The following TTBK2 variants were observed in gnomAD, a reference collection of about 807,000 sequenced individuals.
TTBK2 encodes tau tubulin kinase 2.
In TTBK2, 28 loss-of-function variants were observed where a neutral mutation model predicts 110.8. That is an observed-to-expected ratio of 0.25 (90% CI 0.19 to 0.35). The LOEUF (loss-of-function observed/expected upper bound fraction) is 0.35. TTBK2 is among the 10% of genes least tolerant of loss of function. The pLI is 1.00. For synonymous variants in TTBK2, 532 were observed against 527.3 expected (o/e 1.01, Z -0.12); for missense variants, 1,369 against 1,500.3 (o/e 0.91, Z 1.45).
intron 10 of TTBK2, among the ~76,000 whole-genome samples, chr15:42,787,158 A>C (rs1402961164): frequency 2.0e-5 from 3 of 152,186 alleles, no homozygotes; most frequent in Non-Finnish European, 4.4e-5. Context: ...ATTGGAACAC[A>C]GTCAGTCTCG....
chr15:42,842,052 A>G (rs557163640), intron 3 of TTBK2, among the ~76,000 whole-genome samples: 5 of 152,284 alleles, frequency 3.3e-5, no homozygotes, highest in African/African-American at 9.6e-5. Context: ...AATTTGGAAA[A>G]TGAAACATTA....
intron 10 of TTBK2, among the ~76,000 whole-genome samples, chr15:42,790,309 G>T (rs1890602985): frequency 6.9e-6 from 1 of 145,508 alleles, no homozygotes; most frequent in Non-Finnish European, 1.5e-5. Context: ...TTTTGAGTCA[G>T]GATCTCACTC....
chr15:42,774,397 T>A (rs1226556505), intron 13 of TTBK2, among the ~76,000 whole-genome samples: 1 of 152,182 alleles, frequency 6.6e-6, no homozygotes, highest in East Asian at 1.9e-4. Flanking sequence ...GGGCTCCTCC[T>A]CACACAGTCA....
chr15:42,815,155 G>C (rs1891887729), intron 7 of TTBK2, among the ~76,000 whole-genome samples: 1 of 151,376 alleles, frequency 6.6e-6, no homozygotes, highest in Non-Finnish European at 1.5e-5. Context: ...AATCTATCAG[G>C]AAAAGAAGAG....
chr15:42,862,041 A>C (rs995659784), intron 3 of TTBK2, among the ~76,000 whole-genome samples: 1 of 152,214 alleles, frequency 6.6e-6, no homozygotes, highest in Non-Finnish European at 1.5e-5. Flanking sequence ...ACCAGGAAGA[A>C]AGTGAAAACC....
chr15:42,840,442 A>G lies in TTBK2; in HGVS notation c.218-9T>C, dbSNP rs1467976427. 6.2e-7 allele frequency: 1 copy of G among 1,612,632 alleles called. No individual in the cohort carries two copies. Among genetic ancestry groups the G allele is most frequent in the Non-Finnish European group, 8.5e-7 (1 of 1,178,768 alleles). On this transcript the variant is annotated splice_polypyrimidine_tract_variant and intron_variant, in intron 3 of 14. Coordinates refer to ENST00000267890, the MANE Select transcript of TTBK2 (RefSeq NM_173500.4). ...ACAAACATGGTCTTTCCCTGGATAAAAAAAGAAAACAGTGGAAAAGAATAT... is the reference window on the plus strand; with the variant it reads ...ACAAACATGGTCTTTCCCTGGATAAGAAAAGAAAACAGTGGAAAAGAATAT...
chr15:42,791,881 C>A (rs555754580), intron 10 of TTBK2, among the ~76,000 whole-genome samples: 3 of 151,650 alleles, frequency 2.0e-5, no homozygotes, highest in African/African-American at 7.3e-5. Flanking sequence ...GTGGCTCGTG[C>A]CTGTGATCTC....
chr15:42,911,560 T>C (rs934914425), intron 1 of TTBK2, among the ~76,000 whole-genome samples: 2 of 152,206 alleles, frequency 1.3e-5, no homozygotes, highest in Admixed American at 6.5e-5. Context: ...AAAGTACTTA[T>C]ACACTGGACT....
At chr15:42,815,781 G>C (rs1044688376) in intron 7 of TTBK2, among the ~76,000 whole-genome samples, 4 of 147,534 alleles carry the variant, frequency 2.7e-5, no homozygotes, top group Admixed American at 1.4e-4. Context: ...ATTTCATTAG[G>C]TATTGATAGT....
rs1353876721 is a variant in TTBK2, at chr15:42,744,136, GT to G, written c.*1658del. 6.6e-6 allele frequency: 1 copy of G among 152,128 alleles called. No homozygotes were observed. The allele number at this position is 152,128 out of a possible 1,614,324, so 9.4% of individuals were successfully genotyped here. A position where few individuals can be genotyped will look rare whatever the true frequency, so the allele number is the denominator to read the frequency against. ...CTTATCTATTGCATTCCTCTGGAGT[GT>G]TTGAAACTGGAGAGAAATTAAGATT... On this transcript the variant is annotated 3_prime_UTR_variant, in exon 15 of 15. Coordinates refer to ENST00000267890, the MANE Select transcript of TTBK2 (RefSeq NM_173500.4).
rs751151407 is a variant in TTBK2 at position 42,775,180 on chromosome 15, C to T, written c.1953G>A (p.Thr651=). 59 of 1,614,002 alleles carry T rather than the reference C, an allele frequency of 3.7e-5. No homozygotes were observed. Among genetic ancestry groups the T allele is most frequent in the African/African-American group, 1.5e-4 (11 of 74,926 alleles). ...CCTGCGCCTCCATTAGACTTGTGGG[C>T]GTCGCTGCAATAAACTGACTAGCAG... is the stretch of plus-strand genomic sequence containing the variant. ...PGAASQFIAA[T]PTSLMEAQAE... is the part of the protein sequence containing the mutation. Residue 651 remains threonine, a synonymous_variant, in exon 13 of 15, where the codon ACG becomes ACA. Coordinates refer to ENST00000267890, the MANE Select transcript of TTBK2 (RefSeq NM_173500.4).
chr15:42,826,061 G>A (rs1483915613), intron 6 of TTBK2, among the ~76,000 whole-genome samples: 1 of 151,840 alleles, frequency 6.6e-6, no homozygotes, highest in African/African-American at 2.4e-5. Context: ...TCAAAATACA[G>A]ATTTCTGCAG....
At chr15:42,781,291 T>C (rs1445107762) in intron 11 of TTBK2, among the ~76,000 whole-genome samples, 1 of 152,140 alleles carries the variant, frequency 6.6e-6, no homozygotes, top group Non-Finnish European at 1.5e-5. Flanking sequence ...TAAACTTGTA[T>C]GCACTTAACT....
chr15:42,919,795 G>A, intron 1 of TTBK2: 3 of 985,290 alleles, frequency 3.0e-6, no homozygotes, highest in Non-Finnish European at 3.6e-6. Flanking sequence ...AATTAACTTC[G>A]CTGTAGAATA....
chr15:42,820,844 A>T (rs1892259248), intron 6 of TTBK2, among the ~76,000 whole-genome samples: 1 of 152,106 alleles, frequency 6.6e-6, no homozygotes. Context: ...GTCTCTAAAA[A>T]AAAAAGAATT....
chr15:42,793,973 TG>T (rs1354667649), intron 10 of TTBK2, among the ~76,000 whole-genome samples: 3 of 151,702 alleles, frequency 2.0e-5, no homozygotes, highest in Non-Finnish European at 4.4e-5. Flanking sequence ...TAGAGTGTAG[TG>T]GCACAATCAT....
In TTBK2 at chr15:42,752,206, A is replaced by C. The variant is rs1186488714; in HGVS notation, c.3040T>G (p.Phe1014Val). Reference sequence around the variant, plus strand: ...GGAGTGAGCACTTCCTCCTCACAAAAGGGAGCAGGAACAGTAGCTAGTTTC... The same window carrying C: ...GGAGTGAGCACTTCCTCCTCACAAACGGGAGCAGGAACAGTAGCTAGTTTC... ...EEKLATVPAP[F>V]CEEEVLTPFS... Residue 1014 changes from phenylalanine (F) to valine (V), a missense_variant, in exon 14 of 15, where the codon TTT (phenylalanine) becomes GTT (valine). Phe to Val is a conservative substitution (Grantham distance 50, BLOSUM62 -1). Around this residue, in one of 4 missense-constraint regions of TTBK2, gnomAD observed 1,097 missense variants for 1,114.7 expected, o/e 0.98. Transcript: ENST00000267890. 3 of 1,614,022 alleles carry C rather than the reference A, an allele frequency of 1.9e-6. No individual in the cohort carries two copies. The African/African-American group carries it at 4.0e-5, about 22-fold the overall frequency.
At chr15:42,759,395 G>A (rs149942365) in intron 13 of TTBK2, among the ~76,000 whole-genome samples, 111 of 152,288 alleles carry the variant, frequency 7.3e-4, no homozygotes, top group Non-Finnish European at 1.4e-3. Context: ...CTGCGCCTTG[G>A]ACCTGAGAAA....
rs1299492769 is a variant in TTBK2 at position 42,741,316 on chromosome 15, TAAGTA to T, written c.*4474_*4478del. 3.3e-5 allele frequency: 5 copies of T among 152,228 alleles called. No homozygotes were observed. Among genetic ancestry groups the T allele is most frequent in the Non-Finnish European group, 5.9e-5 (4 of 68,030 alleles). The allele number at this position is 152,228 out of a possible 1,614,324, so 9.4% of individuals were successfully genotyped here. On this transcript the variant is annotated 3_prime_UTR_variant, in exon 15 of 15. Coordinates refer to ENST00000267890, the MANE Select transcript of TTBK2 (RefSeq NM_173500.4). ...ATGGTTGGAACTGCCTTTAGTTCTC[TAAGTA>T]AAGGTCTAAAAATGCACCTGTGGTT...
Sources: gnomAD v4.1 joint callset for allele counts (sites outside exome capture counted in the v4.1 genomes callset) on GRCh38, gnomAD v4.1.1 for gene constraint, gnomAD v4.1.1 regional missense constraint, MANE v1.5 for transcripts, NCBI Gene and HGNC (gene_info 2026-07-23, HGNC 2026-07-21) for gene names.